The following SLC4A8 variants were observed in gnomAD, a reference collection of about 807,000 sequenced individuals.
The protein encoded by SLC4A8 is solute carrier family 4 member 8.
SLC4A8 carries 40 observed loss-of-function variants against 125.0 expected under a neutral mutation model. The ratio of observed to expected loss-of-function variants is 0.32; its 90% confidence interval spans 0.25 to 0.42. The LOEUF is 0.42. Ranked by LOEUF, SLC4A8 falls within the 10% of genes least tolerant of loss-of-function variation. SLC4A8 has a pLI of 1.00. For synonymous variants in SLC4A8, 456 were observed against 476.0 expected, an observed-to-expected ratio of 0.96 and a Z score of 0.55; for missense variants, 863 against 1,355.1, an observed-to-expected ratio of 0.64 and a Z score of 5.70.
At chr12:51,480,364 A>C (rs1950993489) in intron 16 of SLC4A8, 2 of 1,168,270 alleles carry the variant, frequency 1.7e-6, no homozygotes, top group African/African-American at 3.3e-5. Flanking sequence ...AAAAGTCTAG[A>C]ATGTGCTGCT....
intron 7 of SLC4A8, among the ~76,000 whole-genome samples, chr12:51,458,858 T>C (rs1007145465): frequency 1.3e-5 from 2 of 152,232 alleles, no homozygotes; most frequent in Non-Finnish European, 2.9e-5. Flanking sequence ...AGTTTCTTTC[T>C]CCAGATTCAA....
intron 22 of SLC4A8, among the ~76,000 whole-genome samples, chr12:51,501,080 C>T (rs539835987): frequency 1.3e-5 from 2 of 152,268 alleles, no homozygotes; most frequent in East Asian, 1.9e-4. Context: ...CCGCCCGCCT[C>T]GGCCTCCCAA....
intron 22 of SLC4A8, among the ~76,000 whole-genome samples, chr12:51,501,578 C>G (rs2138441284): frequency 6.6e-6 from 1 of 152,258 alleles, no homozygotes; most frequent in East Asian, 1.9e-4. Context: ...TGGGTTGATT[C>G]CATTTCTTTG....
intron 1 of SLC4A8, among the ~76,000 whole-genome samples, chr12:51,414,580 G>T (rs374064159): frequency 2.0e-5 from 3 of 151,982 alleles, no homozygotes; most frequent in Non-Finnish European, 4.4e-5. Context: ...GTGAGATCTC[G>T]TCTCTACAAA....
chr12:51,403,685 A>G (rs1021019958), intron 1 of SLC4A8, among the ~76,000 whole-genome samples: 3 of 152,356 alleles, frequency 2.0e-5, no homozygotes, highest in East Asian at 3.9e-4. Flanking sequence ...CCCCAGCCAC[A>G]TGGCACCCAG....
In SLC4A8 at chr12:51,462,385, G is replaced by A; in HGVS notation, c.1177G>A (p.Val393Met). The change falls in exon 10 of 25, where the codon GTG becomes ATG. Residue 393 changes from valine to methionine, a missense_variant. Transcript: ENST00000453097. ...GGGGATTGATGAGTTCCTAGACCAGGTGACGGTGCTCCCTCCAGGAGAGTG... is the reference window on the plus strand; with the variant it reads ...GGGGATTGATGAGTTCCTAGACCAGATGACGGTGCTCCCTCCAGGAGAGTG... Reference protein sequence around the residue: ...LAGIDEFLDQVTVLPPGEWDP... With the variant: ...LAGIDEFLDQMTVLPPGEWDP... 5 of 1,612,638 alleles carry A rather than the reference G, an allele frequency of 3.1e-6. No individual in the cohort carries two copies. Among genetic ancestry groups the A allele is most frequent in the Non-Finnish European group, 4.2e-6 (5 of 1,179,496 alleles).
chr12:51,408,046 T>G (rs924085163), intron 1 of SLC4A8: 1 of 152,234 alleles, frequency 6.6e-6, no homozygotes, highest in African/African-American at 2.4e-5. Context: ...CATGTCTGCT[T>G]CCCTATAAGG....
chr12:51,424,270 C>T (rs1592158513), upstream of SLC4A8, among the ~76,000 whole-genome samples: 2 of 152,032 alleles, frequency 1.3e-5, no homozygotes, highest in African/African-American at 4.8e-5. Flanking sequence ...AAGTTCGAAG[C>T]CTTTTTGTGG....
intron 14 of SLC4A8, among the ~76,000 whole-genome samples, chr12:51,473,146 C>T (rs1386781973): frequency 2.0e-5 from 3 of 152,148 alleles, no homozygotes; most frequent in Admixed American, 6.5e-5. Context: ...CATGTATCCT[C>T]CATTATAATA....
chr12:51,453,787 C>A, intron 5 of SLC4A8, 88 bp downstream of exon 5: 1 of 1,325,344 alleles, frequency 7.5e-7, no homozygotes, highest in Non-Finnish European at 1.0e-6. Flanking sequence ...AGAAAGAATA[C>A]AGTGGGTTGT....
At chr12:51,393,346 C>T (rs559919689) in intron 1 of SLC4A8, among the ~76,000 whole-genome samples, 9 of 152,182 alleles carry the variant, frequency 5.9e-5, no homozygotes, top group East Asian at 1.9e-4. Flanking sequence ...CCTGTTGCCT[C>T]GGCCTCGCAA....
chr12:51,476,751 C>T (rs1950865411), intron 16 of SLC4A8, among the ~76,000 whole-genome samples: 1 of 151,908 alleles, frequency 6.6e-6, no homozygotes. Flanking sequence ...GTGGTGTGGC[C>T]TTACCTGCAG....
chr12:51,422,734 G>T (rs1948819247), upstream of SLC4A8, among the ~76,000 whole-genome samples: 1 of 152,138 alleles, frequency 6.6e-6, no homozygotes, highest in African/African-American at 2.4e-5. Context: ...CCAAATTGTG[G>T]CTACCCTGAA....
At position 51,458,670 on chromosome 12, in the gene SLC4A8, G is replaced by A. The variant is rs1330667523; in HGVS notation, c.855+20G>A. The A allele has an allele frequency of 6.3e-7, 1 of 1,575,988 alleles. No homozygotes were observed. Among genetic ancestry groups the A allele is most frequent in the Admixed American group, 1.7e-5 (1 of 59,956 alleles). On this transcript the variant is annotated intron_variant, in intron 7 of 24. Coordinates refer to ENST00000453097, the MANE Select transcript of SLC4A8 (RefSeq NM_001039960.3). ...AGCAAGGTGAGCAGAGTGGTGGGAAGTTGGCTTCAAGGCCTAAGGTTCCTT... is the reference window on the plus strand; with the variant it reads ...AGCAAGGTGAGCAGAGTGGTGGGAAATTGGCTTCAAGGCCTAAGGTTCCTT...
chr12:51,485,220 C>T (rs1951131866), intron 16 of SLC4A8, among the ~76,000 whole-genome samples: 1 of 152,054 alleles, frequency 6.6e-6, no homozygotes, highest in South Asian at 2.1e-4. Context: ...CAAATAATTA[C>T]TCCAGTGACT....
chr12:51,485,025 A>G (rs1451987341), intron 16 of SLC4A8, among the ~76,000 whole-genome samples: 2 of 152,092 alleles, frequency 1.3e-5, no homozygotes, highest in Admixed American at 6.6e-5. Context: ...TGAGCTTGGC[A>G]TGTTTAAGGA....
intron 1 of SLC4A8, among the ~76,000 whole-genome samples, chr12:51,401,152 CAGTT>C (rs1445032731): frequency 1.3e-5 from 2 of 152,138 alleles, no homozygotes; most frequent in East Asian, 3.9e-4. Context: ...CCTCTGTCGC[CAGTT>C]AGTGTTTACA....
intron 11 of SLC4A8, among the ~76,000 whole-genome samples, chr12:51,465,562 T>C (rs1235871894): frequency 6.6e-6 from 1 of 152,188 alleles, no homozygotes; most frequent in African/African-American, 2.4e-5. Flanking sequence ...ACTCACAAAT[T>C]CAAATGGAGT....
chr12:51,422,881 G>A (rs1302194101), upstream of SLC4A8, among the ~76,000 whole-genome samples: 2 of 152,152 alleles, frequency 1.3e-5, no homozygotes, highest in African/African-American at 2.4e-5. Context: ...CCTTCCTGAA[G>A]ATCATTTTCT....
Sources: gnomAD v4.1 joint callset for allele counts (sites outside exome capture counted in the v4.1 genomes callset) on GRCh38, gnomAD v4.1.1 for gene constraint, MANE v1.5 for transcripts, NCBI Gene and HGNC (gene_info 2026-07-23, HGNC 2026-07-21) for gene names.